The following HP1BP3 variants were observed in gnomAD, a reference collection of about 807,000 sequenced individuals.
The protein encoded by HP1BP3 is heterochromatin protein 1-binding protein 3.
A neutral mutation model predicts 62.5 loss-of-function variants in HP1BP3; 12 were observed. That is an observed-to-expected ratio of 0.19 (90% CI 0.12 to 0.31). HP1BP3 has a LOEUF of 0.31. Ranked by LOEUF, HP1BP3 falls within the 10% of genes least tolerant of loss-of-function variation. The pLI is 1.00. For missense variants in HP1BP3, 502 were observed against 651.8 expected (o/e 0.77, Z 2.50); for synonymous variants, 260 against 237.8 (o/e 1.09, Z -0.86).
At chr1:20,759,880 A>ACT (rs2056359410) in intron 8 of HP1BP3, among the ~76,000 whole-genome samples, 4 of 113,016 alleles carry the variant, frequency 3.5e-5, no homozygotes, top group African/African-American at 1.0e-4. Context: ...TTAAAGACCG[A>ACT]TTTTTTTTTT....
chr1:20,742,085 A>G lies in HP1BP3; in HGVS notation c.*2712T>C, dbSNP rs2055099293. 6.6e-6 allele frequency among the ~76,000 whole-genome samples: 1 copy of G among 152,230 alleles called. No homozygotes were observed. The highest frequency in any genetic ancestry group is 6.5e-5 in the Admixed American group (1 of 15,282). On this transcript the variant is annotated 3_prime_UTR_variant, in exon 13 of 13. Coordinates refer to ENST00000438032, the MANE Select transcript of HP1BP3 (RefSeq NM_001372052.1). ...AGTTGGAAGAAACTTTAAATGATCT[A>G]AACTTCTCAGCCTGTGCTTAAGTGC...
chr1:20,784,999 T>C (rs750959418), intron 1 of HP1BP3, among the ~76,000 whole-genome samples: 13 of 152,066 alleles, frequency 8.5e-5, no homozygotes, highest in Non-Finnish European at 2.9e-5. Flanking sequence ...GGGATCACTG[T>C]AGCCTCGACC....
intron 3 of HP1BP3, among the ~76,000 whole-genome samples, chr1:20,778,751 T>C (rs1044829215): frequency 6.6e-6 from 1 of 152,028 alleles, no homozygotes; most frequent in Non-Finnish European, 1.5e-5. Flanking sequence ...ATGTCTGCCC[T>C]GATGCACCAA....
At position 20,742,030 on chromosome 1, in the gene HP1BP3, A is replaced by G. The variant is rs899568113; in HGVS notation, c.*2767T>C. On this transcript the variant is annotated 3_prime_UTR_variant, in exon 13 of 13. Transcript: ENST00000438032. ...TTTTCCCTTTACATCACACTGAAAC[A>G]AACTGTCCTTATAGTTAACAGAACG... Among the ~76,000 whole-genome samples the G allele has an allele frequency of 6.6e-6, 1 of 152,240 alleles. No individual in the cohort carries two copies. The highest frequency in any genetic ancestry group is 2.4e-5 in the African/African-American group (1 of 41,466).
intron 4 of HP1BP3, chr1:20,775,087 A>G (rs2057244057): frequency 6.6e-6 from 1 of 152,090 alleles, no homozygotes; most frequent in Admixed American, 6.6e-5. Context: ...ACTTTTTATC[A>G]TTAGAGTATA....
In HP1BP3 at chr1:20,743,273, G is replaced by A. The variant is rs555030682; in HGVS notation, c.*1524C>T. ...TTTTCCACTTAACATTTCTACATTA[G>A]CAATGATGTAACTCTCCAACATTTC... is the stretch of plus-strand genomic sequence containing the variant. On this transcript the variant is annotated 3_prime_UTR_variant, in exon 13 of 13. Coordinates refer to ENST00000438032, the MANE Select transcript of HP1BP3 (RefSeq NM_001372052.1). 6.6e-6 allele frequency: 1 copy of A among 152,578 alleles called. No homozygotes were observed. The highest frequency in any genetic ancestry group is 1.9e-4 in the East Asian group (1 of 5,180). The allele number at this position is 152,578 out of a possible 1,614,324, so 9.5% of individuals were successfully genotyped here.
chr1:20,772,450 A>G (rs1044957812), intron 5 of HP1BP3, among the ~76,000 whole-genome samples: 17 of 152,362 alleles, frequency 1.1e-4, no homozygotes, highest in African/African-American at 3.6e-4. Context: ...AAGGCTATAC[A>G]AAGAACAGAG....
intron 7 of HP1BP3, among the ~76,000 whole-genome samples, chr1:20,767,061 T>C (rs1352787859): frequency 6.6e-6 from 1 of 151,590 alleles, no homozygotes; most frequent in Admixed American, 6.6e-5. Context: ...GCTCACCCTG[T>C]AAATCCCAGC....
rs975730018 is a variant in HP1BP3 at position 20,741,923 on chromosome 1, C to T, written c.*2874G>A. On this transcript the variant is annotated 3_prime_UTR_variant, in exon 13 of 13. Coordinates refer to ENST00000438032, the MANE Select transcript of HP1BP3 (RefSeq NM_001372052.1). The stretch of plus-strand genomic sequence containing the variant: ...GAATGCCTGGAAGGGAAAAATCAAA[C>T]ATTCTTTTATCTCAATGTAAGTAAG... Among the ~76,000 whole-genome samples, 5 of 152,168 alleles carry T rather than the reference C, an allele frequency of 3.3e-5. No homozygotes were observed. Among genetic ancestry groups the T allele is most frequent in the African/African-American group, 1.2e-4 (5 of 41,456 alleles).
At chr1:20,760,714 T>G (rs1427697706) in intron 8 of HP1BP3, among the ~76,000 whole-genome samples, 2 of 151,956 alleles carry the variant, frequency 1.3e-5, no homozygotes, top group Non-Finnish European at 2.9e-5. Context: ...GCACAGCCTG[T>G]AATCCCAGCT....
intron 6 of HP1BP3, among the ~76,000 whole-genome samples, chr1:20,770,482 A>C (rs1280746159): frequency 6.6e-6 from 1 of 151,980 alleles, no homozygotes; most frequent in Non-Finnish European, 1.5e-5. Flanking sequence ...AACCCTGCTG[A>C]TTTTGTATTT....
Position 20,747,566 on chromosome 1 carries a change from G to A in HP1BP3, c.1231C>T (p.Leu411Phe), listed in dbSNP as rs553790905. ...SGKGFSGTFQ[L>F]CFPYYPSPGV... is the part of the protein sequence containing the mutation. Reference sequence around the variant, plus strand: ...TACCTGGGATAATAGGGAAAACAGAGCTGGAAGGTGCCACTGAACCCTTTC... The same window carrying A: ...TACCTGGGATAATAGGGAAAACAGAACTGGAAGGTGCCACTGAACCCTTTC... The change falls in exon 11 of 13, where the codon CTC (leucine) becomes TTC (phenylalanine). Residue 411 changes from leucine (L) to phenylalanine (F), a missense_variant. Transcript: ENST00000438032. 1 of 1,609,782 alleles carries A rather than the reference G, an allele frequency of 6.2e-7. No individual in the cohort carries two copies. Among genetic ancestry groups the A allele is most frequent in the African/African-American group, 1.3e-5 (1 of 74,910 alleles).
intron 4 of HP1BP3, chr1:20,775,884 G>A (rs1049240150): frequency 9.6e-6 from 13 of 1,356,582 alleles, no homozygotes; most frequent in South Asian, 5.9e-5. Flanking sequence ...TGATGAAATC[G>A]CCTAAAGATG....
intron 9 of HP1BP3, among the ~76,000 whole-genome samples, chr1:20,751,450 C>T (rs1381762134): frequency 6.6e-6 from 1 of 151,944 alleles, no homozygotes; most frequent in Non-Finnish European, 1.5e-5. Flanking sequence ...TATCAGGGAG[C>T]ACGGTAGTTC....
chr1:20,779,192 G>C (rs1371215659), intron 3 of HP1BP3, among the ~76,000 whole-genome samples: 2 of 151,348 alleles, frequency 1.3e-5, no homozygotes, highest in East Asian at 3.9e-4. Context: ...TAAAAGGCAA[G>C]AGAGAAAGGA....
intron 9 of HP1BP3, 122 bp from the exon 10 acceptor site, chr1:20,750,004 A>G: frequency 6.8e-7 from 1 of 1,463,176 alleles, no homozygotes; most frequent in Non-Finnish European, 9.0e-7. Flanking sequence ...GTTTTACAAT[A>G]AATTGTCAGC....
chr1:20,751,642 AG>A (rs1261751518), intron 9 of HP1BP3, among the ~76,000 whole-genome samples: 3 of 152,052 alleles, frequency 2.0e-5, no homozygotes, highest in Non-Finnish European at 4.4e-5. Flanking sequence ...GGATGGCTTA[AG>A]CCCAGGAAGT....
At chr1:20,772,438 G>C (rs1257658617) in intron 5 of HP1BP3, among the ~76,000 whole-genome samples, 1 of 152,200 alleles carries the variant, frequency 6.6e-6, no homozygotes, top group Non-Finnish European at 1.5e-5. Flanking sequence ...AATCCTTGAA[G>C]AAAGGCTATA....
intron 1 of HP1BP3, among the ~76,000 whole-genome samples, chr1:20,780,826 C>T (rs1280833768): frequency 1.3e-5 from 2 of 152,168 alleles, no homozygotes; most frequent in South Asian, 2.1e-4. Context: ...CTCCTGCCAC[C>T]ATCAGGAACT....
Sources: gnomAD v4.1 joint callset for allele counts (sites outside exome capture counted in the v4.1 genomes callset) on GRCh38, gnomAD v4.1.1 for gene constraint, MANE v1.5 for transcripts, NCBI Gene and HGNC (gene_info 2026-07-23, HGNC 2026-07-21) for gene names.